CNTNAP2: variants seen among roughly 807,000 people sequenced by gnomAD.
CNTNAP2 encodes contactin-associated protein-like 2.
Under a neutral mutation model 155.2 loss-of-function variants are expected in CNTNAP2, and 98 were observed. The observed-to-expected ratio is 0.63, with a 90% CI of 0.54 to 0.75. The LOEUF is 0.75. Ranked by LOEUF, CNTNAP2 falls within the 30% of genes least tolerant of loss-of-function variation. CNTNAP2 has a pLI of 0.00. For synonymous variants in CNTNAP2, 651 were observed against 631.2 expected (o/e 1.03, Z -0.47); for missense variants, 1,727 against 1,688.1 (o/e 1.02, Z -0.40).
intron 8 of CNTNAP2, among the ~76,000 whole-genome samples, chr7:147,172,258 T>C (rs919442518): frequency 1.3e-5 from 2 of 152,180 alleles, no homozygotes; most frequent in Non-Finnish European, 2.9e-5. Flanking sequence ...TATGTATCTG[T>C]GTTCCATGAA....
intron 21 of CNTNAP2, among the ~76,000 whole-genome samples, chr7:148,295,087 T>G (rs1384919737): frequency 6.6e-6 from 1 of 152,152 alleles, no homozygotes; most frequent in Non-Finnish European, 1.5e-5. Flanking sequence ...TTTACAAAAC[T>G]TAATTCTTTT....
intron 1 of CNTNAP2, among the ~76,000 whole-genome samples, chr7:146,722,361 G>A (rs944378444): frequency 5.9e-5 from 9 of 152,064 alleles, no homozygotes; most frequent in African/African-American, 2.2e-4. Context: ...ATACCCTGGG[G>A]TAGAATGCAG....
At chr7:147,757,991 A>C (rs1362246736) in intron 13 of CNTNAP2, among the ~76,000 whole-genome samples, 1 of 152,214 alleles carries the variant, frequency 6.6e-6, no homozygotes, top group Non-Finnish European at 1.5e-5. Context: ...GATTTGCTTC[A>C]AATAATTAGG....
At chr7:146,818,918 G>T (rs992837012) in intron 2 of CNTNAP2, among the ~76,000 whole-genome samples, 4 of 151,826 alleles carry the variant, frequency 2.6e-5, no homozygotes, top group Non-Finnish European at 5.9e-5. Context: ...AAAAACCACA[G>T]TGATATTCAT....
intron 14 of CNTNAP2, among the ~76,000 whole-genome samples, chr7:147,944,635 C>T (rs1025582203): frequency 2.6e-5 from 4 of 152,246 alleles, no homozygotes; most frequent in East Asian, 1.9e-4. Flanking sequence ...AAATTAAAAT[C>T]GGTAATTACT....
At chr7:146,725,980 A>C (rs893876976) in intron 1 of CNTNAP2, among the ~76,000 whole-genome samples, 3 of 152,140 alleles carry the variant, frequency 2.0e-5, no homozygotes, top group African/African-American at 7.2e-5. Context: ...GTCTTGATAA[A>C]TTGGCTCTAT....
chr7:147,735,097 C>A (rs1162449763), intron 13 of CNTNAP2, among the ~76,000 whole-genome samples: 2 of 151,418 alleles, frequency 1.3e-5, no homozygotes, highest in African/African-American at 2.4e-5. Flanking sequence ...TTCTCTAGTT[C>A]TTTTAATTGT....
chr7:146,144,040 G>A (rs1797920881), intron 1 of CNTNAP2, among the ~76,000 whole-genome samples: 1 of 152,136 alleles, frequency 6.6e-6, no homozygotes, highest in Admixed American at 6.6e-5. Context: ...AGGATTACAG[G>A]TGTGAGCCAC....
chr7:147,050,202 G>A lies in CNTNAP2; in HGVS notation c.550+6148G>A, dbSNP rs904193495. Among the ~76,000 whole-genome samples the A allele has an allele frequency of 3.3e-5, 5 of 152,196 alleles. No individual in the cohort carries two copies. In the South Asian group the frequency reaches 8.3e-4, roughly 25 times the overall value. On this transcript the variant is annotated intron_variant, in intron 4 of 23. Transcript: ENST00000361727. ...ACAGCGCAGACACTAATCTTCTTAC[G>A]CGATACCAGTGGGACTTCATAAAGC...
intron 8 of CNTNAP2, among the ~76,000 whole-genome samples, chr7:147,192,560 A>G (rs1050767093): frequency 6.6e-6 from 1 of 151,980 alleles, no homozygotes; most frequent in Non-Finnish European, 1.5e-5. Context: ...CACCCTCTCC[A>G]AGTGACTCAG....
chr7:148,241,450 G>A (rs780884986), intron 20 of CNTNAP2, among the ~76,000 whole-genome samples: 1 of 152,166 alleles, frequency 6.6e-6, no homozygotes, highest in African/African-American at 2.4e-5. Flanking sequence ...TTGCCTCCAT[G>A]AGCCCAGTCC....
At chr7:147,290,757 C>T (rs1318090730) in intron 8 of CNTNAP2, among the ~76,000 whole-genome samples, 1 of 150,718 alleles carries the variant, frequency 6.6e-6, no homozygotes, top group Non-Finnish European at 1.5e-5. Flanking sequence ...GAAAAGAATA[C>T]CTGTTTGCAG....
At chr7:148,014,579 T>G (rs1802142126) in intron 15 of CNTNAP2, among the ~76,000 whole-genome samples, 1 of 152,144 alleles carries the variant, frequency 6.6e-6, no homozygotes, top group Admixed American at 6.6e-5. Context: ...GCTCTGTTAC[T>G]CCCCAAATAT....
chr7:147,288,976 GTC>G (rs1805243610), intron 8 of CNTNAP2, among the ~76,000 whole-genome samples: 1 of 152,186 alleles, frequency 6.6e-6, no homozygotes, highest in East Asian at 1.9e-4. Flanking sequence ...AGCTGCTACT[GTC>G]TCTCAATAGT....
At chr7:146,993,925 T>C (rs185409518) in intron 3 of CNTNAP2, among the ~76,000 whole-genome samples, 233 of 152,282 alleles carry the variant, frequency 1.5e-3, no homozygotes, top group Non-Finnish European at 2.6e-3. Flanking sequence ...CCAATACCAC[T>C]TTGAACTGCT....
Position 147,184,433 on chromosome 7 carries a change from G to A in CNTNAP2, c.1348+51924G>A, listed in dbSNP as rs559679323. On this transcript the variant is annotated intron_variant, in intron 8 of 23. Transcript: ENST00000361727. ...TGAAGTTTCATCTGATGCATTAAGA[G>A]AGTATATAGAACTCTTGTATACTTA... is the stretch of plus-strand genomic sequence containing the variant. Among the ~76,000 whole-genome samples the A allele has an allele frequency of 7.9e-5, 12 of 152,282 alleles. No individual in the cohort carries two copies. The South Asian group carries it at 2.1e-3, about 26-fold the overall frequency.
At chr7:146,219,670 C>A (rs1374009670) in intron 1 of CNTNAP2, among the ~76,000 whole-genome samples, 2 of 152,132 alleles carry the variant, frequency 1.3e-5, no homozygotes, top group Non-Finnish European at 2.9e-5. Flanking sequence ...TGAGATGGGT[C>A]TGGAGCAATA....
At chr7:146,799,838 T>G (rs1444669947) in intron 2 of CNTNAP2, among the ~76,000 whole-genome samples, 1 of 152,188 alleles carries the variant, frequency 6.6e-6, no homozygotes, top group East Asian at 1.9e-4. Flanking sequence ...CTTTGATAAT[T>G]GCACCTATCT....
intron 3 of CNTNAP2, among the ~76,000 whole-genome samples, chr7:146,906,560 A>C (rs887974017): frequency 6.6e-6 from 1 of 152,056 alleles, no homozygotes; most frequent in African/African-American, 2.4e-5. Context: ...CTCACACAGC[A>C]GGGTATTCCA....
Sources: gnomAD v4.1 joint callset for allele counts (sites outside exome capture counted in the v4.1 genomes callset) on GRCh38, gnomAD v4.1.1 for gene constraint, MANE v1.5 for transcripts, NCBI Gene and HGNC (gene_info 2026-07-23, HGNC 2026-07-21) for gene names.